Variants in MYLK4 observed in about 807,000 individuals in gnomAD.
MYLK4 encodes the protein caMLCK like.
A neutral mutation model predicts 48.1 loss-of-function variants in MYLK4; 46 were observed. The ratio of observed to expected loss-of-function variants is 0.96; its 90% CI spans 0.75 to 1.22. The LOEUF (loss-of-function observed/expected upper bound fraction) is 1.22, where lower values mean the gene tolerates loss of function less well. Among genes scored for constraint, MYLK4 ranks in the 50% most tolerant of loss-of-function variants. MYLK4 has a pLI of 0.00. For synonymous variants in MYLK4, 170 were observed against 180.8 expected (o/e 0.94, Z 0.48); for missense variants, 451 against 486.1 (o/e 0.93, Z 0.68).
At chr6:2,749,025 T>C in intron 2 of MYLK4, 111 bp downstream of exon 2, 3 of 929,484 alleles carry the variant, frequency 3.2e-6, no homozygotes, top group Non-Finnish European at 4.9e-6. Flanking sequence ...CAAAGTGGAA[T>C]GATGCCTATT....
At chr6:2,695,831 G>A (rs1170071216) in intron 2 of MYLK4, among the ~76,000 whole-genome samples, 1 of 152,150 alleles carries the variant, frequency 6.6e-6, no homozygotes, top group African/African-American at 2.4e-5. Flanking sequence ...GAAAGCTCAA[G>A]TTTGTAGATA....
the MYLK4 span, among the ~76,000 whole-genome samples, chr6:2,766,999 T>C: frequency 1.3e-5 from 2 of 152,252 alleles, no homozygotes; most frequent in South Asian, 2.1e-4. Flanking sequence ...TTGATTTTAC[T>C]AAATATACTC....
intron 2 of MYLK4, among the ~76,000 whole-genome samples, chr6:2,732,385 C>T (rs543815883): frequency 1.3e-5 from 2 of 152,158 alleles, no homozygotes; most frequent in Non-Finnish European, 1.5e-5. Flanking sequence ...AACAGCTCAT[C>T]GTGATGGGCA....
the MYLK4 span, among the ~76,000 whole-genome samples, chr6:2,762,657 A>G: frequency 7.1e-4 from 108 of 152,356 alleles, no homozygotes; most frequent in African/African-American, 2.5e-3. Flanking sequence ...GCTCGCAGTC[A>G]ATGAGTTTTT....
chr6:2,728,431 G>C (rs1260611947), intron 2 of MYLK4, among the ~76,000 whole-genome samples: 1 of 151,856 alleles, frequency 6.6e-6, no homozygotes, highest in African/African-American at 2.4e-5. Flanking sequence ...AAAACAGTCT[G>C]ATGATGCCCA....
chr6:2,668,172 G>T (rs77557441), intron 12 of MYLK4, among the ~76,000 whole-genome samples: 19,416 of 151,962 alleles, frequency 0.13, 1,397 homozygotes, highest in East Asian at 0.29. Context: ...GTTACATGGG[G>T]ACATGTGTGC....
intron 2 of MYLK4, among the ~76,000 whole-genome samples, chr6:2,696,788 G>T (rs1479582873): frequency 6.6e-6 from 1 of 152,162 alleles, no homozygotes; most frequent in Non-Finnish European, 1.5e-5. Context: ...GCAGCCAGGC[G>T]CAGTGGCTCA....
At chr6:2,744,355 C>T (rs187176151) in intron 2 of MYLK4, among the ~76,000 whole-genome samples, 1 of 152,340 alleles carries the variant, frequency 6.6e-6, no homozygotes, top group East Asian at 1.9e-4. Flanking sequence ...ACAATTAGCA[C>T]CACTGTATCT....
At chr6:2,739,800 T>G (rs991183649) in intron 2 of MYLK4, among the ~76,000 whole-genome samples, 1 of 152,252 alleles carries the variant, frequency 6.6e-6, no homozygotes, top group African/African-American at 2.4e-5. Flanking sequence ...AATGTACTGA[T>G]AGCAGTACTA....
chr6:2,678,071 G>C lies in MYLK4; in HGVS notation c.1040+149C>G, dbSNP rs1350102623. ...AAGCAGTCCCAGATCTCAGTAGACT[G>C]GGTCAAGAGGCTCAAACCTCATTCT... On this transcript the variant is annotated intron_variant, in intron 10 of 12. Transcript: ENST00000274643. 1.3e-5 allele frequency: 12 copies of C among 940,130 alleles called. No individual in the cohort carries two copies. The East Asian group carries it at 2.5e-4, about 20-fold the overall frequency. The allele number at this position is 940,130 out of a possible 1,614,324, so 58.2% of individuals were successfully genotyped here.
chr6:2,681,221 G>C (rs1265275763), intron 7 of MYLK4, among the ~76,000 whole-genome samples: 2 of 152,146 alleles, frequency 1.3e-5, no homozygotes, highest in Non-Finnish European at 2.9e-5. Flanking sequence ...GTGGGATCAG[G>C]CTCCCCTCCC....
chr6:2,767,598 C>G, the MYLK4 span, among the ~76,000 whole-genome samples: 1 of 152,220 alleles, frequency 6.6e-6, no homozygotes, highest in Non-Finnish European at 1.5e-5. Context: ...GAGTTGTTGA[C>G]GTCTGTCCCC....
chr6:2,748,147 C>T (rs945968957), intron 2 of MYLK4, among the ~76,000 whole-genome samples: 1 of 152,316 alleles, frequency 6.6e-6, no homozygotes, highest in African/African-American at 2.4e-5. Context: ...TCCAAACCTG[C>T]CTGATAAGAA....
chr6:2,718,469 T>G (rs896608130), intron 2 of MYLK4, among the ~76,000 whole-genome samples: 1 of 152,190 alleles, frequency 6.6e-6, no homozygotes, highest in African/African-American at 2.4e-5. Context: ...ATAAAAATTA[T>G]AAAAACCTTT....
chr6:2,766,167 G>T, the MYLK4 span: 9 of 1,340,134 alleles, frequency 6.7e-6, no homozygotes, highest in Non-Finnish European at 8.6e-6. Flanking sequence ...GACGCGGACG[G>T]CGAGGACGAC....
intron 2 of MYLK4, among the ~76,000 whole-genome samples, chr6:2,710,064 A>T (rs1225997477): frequency 1.3e-5 from 2 of 152,248 alleles, no homozygotes; most frequent in African/African-American, 4.8e-5. Flanking sequence ...AATAAAACAT[A>T]AATAAAACCC....
intron 12 of MYLK4, among the ~76,000 whole-genome samples, chr6:2,670,214 A>T (rs1308784926): frequency 6.6e-6 from 1 of 152,032 alleles, no homozygotes; most frequent in Non-Finnish European, 1.5e-5. Context: ...AAAAATACAA[A>T]ACTTAGCCTG....
intron 2 of MYLK4, among the ~76,000 whole-genome samples, chr6:2,727,946 CAAAA>C (rs10716559): frequency 4.8e-5 from 5 of 104,822 alleles, no homozygotes; most frequent in Admixed American, 2.0e-4. Flanking sequence ...GACTCCGTCT[CAAAA>C]AAAAAAAAAA....
At chr6:2,687,099 G>A (rs1002999069) in intron 4 of MYLK4, among the ~76,000 whole-genome samples, 4 of 152,164 alleles carry the variant, frequency 2.6e-5, no homozygotes, top group Non-Finnish European at 5.9e-5. Context: ...TACCCTCAAG[G>A]CCACAGGGCA....
Sources: allele counts gnomAD v4.1 joint callset (sites outside exome capture counted in the v4.1 genomes callset), GRCh38; gene constraint gnomAD v4.1.1; transcripts MANE v1.5; gene names NCBI Gene and HGNC (gene_info 2026-07-23, HGNC 2026-07-21).